The following UNC13C variants were observed in gnomAD, a reference collection of about 807,000 sequenced individuals.
The protein encoded by UNC13C is protein unc-13 homolog C.
In UNC13C, 174 loss-of-function variants were observed where a neutral mutation model predicts 245.4. That is an observed-to-expected ratio of 0.71 (90% CI 0.63 to 0.80). The LOEUF (loss-of-function observed/expected upper bound fraction) is 0.80, where lower values mean the gene tolerates loss of function less well. Ranked by LOEUF, UNC13C falls within the 30% of genes least tolerant of loss-of-function variation. UNC13C has a pLI of 0.00. For synonymous variants in UNC13C, 992 were observed against 895.1 expected, an observed-to-expected ratio of 1.11 and a Z score of -1.93; for missense variants, 2,829 against 2,602.9, an observed-to-expected ratio of 1.09 and a Z score of -1.89.
At position 54,338,445 on chromosome 15, in the gene UNC13C, A is replaced by G; in HGVS notation, c.4669A>G (p.Ile1557Val). ...TTGCCTGGATTCTACATACAAGTATATTTTTGACAACTGCCATGAACTCTA... is the reference window on the plus strand; with the variant it reads ...TTGCCTGGATTCTACATACAAGTATGTTTTTGACAACTGCCATGAACTCTA... ...RACLDSTYKY[I>V]FDNCHELYSQ... Residue 1557 changes from isoleucine (I) to valine (V), a missense_variant, in exon 17 of 33, where the codon ATT (isoleucine) becomes GTT (valine). By Grantham distance (29) the Ile-to-Val change is conservative. Coordinates refer to ENST00000260323, the MANE Select transcript of UNC13C (RefSeq NM_001080534.3). 6.2e-7 allele frequency: 1 copy of G among 1,613,800 alleles called. No homozygotes were observed. The highest frequency in any genetic ancestry group is 8.5e-7 in the Non-Finnish European group (1 of 1,179,740).
rs1243356325 is a variant in UNC13C, at chr15:54,455,204, T to TCTCC, written c.4934-39402_4934-39401insCCCT. 2.4e-4 allele frequency among the ~76,000 whole-genome samples: 13 copies of TCTCC among 53,810 alleles called. 1 individual carries two copies. Among genetic ancestry groups the TCTCC allele is most frequent in the African/African-American group, 1.1e-3 (12 of 10,936 alleles). The allele number at this position is 53,810 out of a possible 152,430, so 35.3% of individuals were successfully genotyped here. A position where few individuals can be genotyped will look rare whatever the true frequency, so the allele number is the denominator to read the frequency against. On this transcript the variant is annotated intron_variant, in intron 19 of 32. Coordinates refer to ENST00000260323, the MANE Select transcript of UNC13C (RefSeq NM_001080534.3). ...CTCTCTCTCTCTCTCTCTCTCTCTC[T>TCTCC]CTATATATATATATATATATATATA...
chr15:54,416,129 G>A (rs774333788), intron 19 of UNC13C, among the ~76,000 whole-genome samples: 26 of 152,192 alleles, frequency 1.7e-4, no homozygotes, highest in African/African-American at 4.6e-4. Context: ...GTGGGCCATC[G>A]TGAGGAGTTT....
chr15:54,239,809 G>T (rs2035804948), intron 7 of UNC13C, among the ~76,000 whole-genome samples: 1 of 152,120 alleles, frequency 6.6e-6, no homozygotes, highest in Admixed American at 6.5e-5. Flanking sequence ...AGTATAGTTT[G>T]GGCACAAGAC....
At chr15:53,868,731 A>G in the UNC13C span, among the ~76,000 whole-genome samples, 2 of 152,336 alleles carry the variant, frequency 1.3e-5, no homozygotes, top group Admixed American at 1.3e-4. Flanking sequence ...TAAGAAAAGA[A>G]TAAGTTAACT....
intron 16 of UNC13C, among the ~76,000 whole-genome samples, 177 bp from the exon 17 acceptor site, chr15:54,338,184 A>C (rs556530246): frequency 6.6e-5 from 10 of 152,346 alleles, no homozygotes; most frequent in African/African-American, 2.4e-4. Flanking sequence ...ATTTTCAATA[A>C]GTTTTTATAT....
intron 22 of UNC13C, among the ~76,000 whole-genome samples, chr15:54,506,677 C>A (rs1894490559): frequency 6.6e-6 from 1 of 152,036 alleles, no homozygotes; most frequent in South Asian, 2.1e-4. Flanking sequence ...TGGAGTGTCT[C>A]CCTCAGTTGA....
intron 30 of UNC13C, among the ~76,000 whole-genome samples, chr15:54,608,308 C>T (rs992608482): frequency 6.6e-6 from 1 of 152,198 alleles, no homozygotes; most frequent in Non-Finnish European, 1.5e-5. Flanking sequence ...AGTGTCACCT[C>T]ATTTTGTCCT....
intron 17 of UNC13C, among the ~76,000 whole-genome samples, chr15:54,339,456 T>G (rs1450834953): frequency 6.6e-6 from 1 of 152,110 alleles, no homozygotes; most frequent in African/African-American, 2.4e-5. Context: ...GTCCATTGTA[T>G]CATTCTTACG....
the UNC13C span, among the ~76,000 whole-genome samples, chr15:53,963,005 G>A: frequency 1.3e-5 from 2 of 152,128 alleles, no homozygotes; most frequent in Non-Finnish European, 2.9e-5. Flanking sequence ...TAGCTTTCTC[G>A]ACTGCATGAT....
intron 10 of UNC13C, among the ~76,000 whole-genome samples, chr15:54,272,729 A>G (rs1023258713): frequency 1.3e-5 from 2 of 152,182 alleles, no homozygotes; most frequent in Non-Finnish European, 2.9e-5. Flanking sequence ...TTGAGCCATT[A>G]CCTATCCACA....
At chr15:54,408,956 A>G (rs1054065275) in intron 18 of UNC13C, among the ~76,000 whole-genome samples, 1 of 152,182 alleles carries the variant, frequency 6.6e-6, no homozygotes, top group Non-Finnish European at 1.5e-5. Flanking sequence ...TAACATCAGG[A>G]TGATGCAGCC....
intron 2 of UNC13C, among the ~76,000 whole-genome samples, chr15:54,128,116 C>T (rs2031179058): frequency 6.6e-6 from 1 of 152,044 alleles, no homozygotes; most frequent in Non-Finnish European, 1.5e-5. Flanking sequence ...TTCTATACAC[C>T]AACAAGGTCC....
intron 4 of UNC13C, among the ~76,000 whole-genome samples, chr15:54,174,194 A>G (rs1595948037): frequency 6.6e-6 from 1 of 152,118 alleles, no homozygotes; most frequent in East Asian, 1.9e-4. Flanking sequence ...TGGGTTTAGT[A>G]TAAAGGTCCT....
the UNC13C span, among the ~76,000 whole-genome samples, chr15:53,851,741 CGTG>C: frequency 3.9e-4 from 59 of 152,220 alleles, no homozygotes; most frequent in Middle Eastern, 3.4e-3. Flanking sequence ...CGCATTGTGA[CGTG>C]GTTGTCCATC....
chr15:54,250,426 A>T lies in UNC13C; in HGVS notation c.3430A>T (p.Asn1144Tyr). 1 of 1,610,672 alleles carries T rather than the reference A, an allele frequency of 6.2e-7. No individual in the cohort carries two copies. The highest frequency in any genetic ancestry group is 8.5e-7 in the Non-Finnish European group (1 of 1,178,304). The change falls in exon 8 of 33, where the codon AAC (asparagine) becomes TAC (tyrosine). Residue 1144 changes from asparagine to tyrosine, a missense_variant. By Grantham distance (143) the Asn-to-Tyr change is moderately radical. Transcript: ENST00000260323. ...CCACGAAAAGTGTCAGGACCTGCTA[A>T]ACGCTGACTGCTTGCAGAGTGAGTA... is the stretch of plus-strand genomic sequence containing the variant. The part of the protein sequence containing the change: ...KCHEKCQDLL[N>Y]ADCLQRAAEK...
At chr15:53,859,967 C>A in the UNC13C span, among the ~76,000 whole-genome samples, 2 of 152,128 alleles carry the variant, frequency 1.3e-5, no homozygotes, top group African/African-American at 4.8e-5. Flanking sequence ...CCTTGGAATT[C>A]CCACACTAGC....
chr15:54,404,188 G>A (rs2040246497), intron 18 of UNC13C, among the ~76,000 whole-genome samples: 1 of 152,132 alleles, frequency 6.6e-6, no homozygotes. Context: ...CAGTTACAGA[G>A]AACCATTGCT....
Position 54,014,054 on chromosome 15 carries a change from C to A in UNC13C, c.1151C>A (p.Pro384His), listed in dbSNP as rs1201312242. 16 of 1,613,636 alleles carry A rather than the reference C, an allele frequency of 9.9e-6. No individual in the cohort carries two copies. Among genetic ancestry groups the A allele is most frequent in the Non-Finnish European group, 1.4e-5 (16 of 1,179,834 alleles). ...PRPILVYFET[P>H]QQRDSVLKKS... ...CCCATACTTGTGTACTTTGAAACCC[C>A]TCAACAAAGGGATTCTGTCTTAAAA... Residue 384 changes from proline (P) to histidine (H), a missense_variant, in exon 2 of 33, where the codon CCT (proline) becomes CAT (histidine). Pro to His is a moderately conservative substitution (Grantham distance 77). Coordinates refer to ENST00000260323, the MANE Select transcript of UNC13C (RefSeq NM_001080534.3).
chr15:54,144,328 G>C (rs906891540), intron 4 of UNC13C, among the ~76,000 whole-genome samples: 1 of 13,746 alleles, frequency 7.3e-5, no homozygotes, highest in Non-Finnish European at 5.6e-4. Flanking sequence ...GTTTTGCATC[G>C]TGGTTTTTTT....
Sources: gnomAD v4.1 joint callset for allele counts (sites outside exome capture counted in the v4.1 genomes callset) on GRCh38, gnomAD v4.1.1 for gene constraint, MANE v1.5 for transcripts, NCBI Gene and HGNC (gene_info 2026-07-23, HGNC 2026-07-21) for gene names.